Variants in MDGA2 observed in about 807,000 individuals in gnomAD.
MDGA2 encodes the protein MAM domain containing glycosylphosphatidylinositol anchor 2, also known as MAM domain-containing glycosylphosphatidylinositol anchor protein 2.
In MDGA2, 40 loss-of-function variants were observed where a neutral mutation model predicts 117.8. The ratio of observed to expected loss-of-function variants is 0.34; its 90% CI spans 0.26 to 0.44. The LOEUF (loss-of-function observed/expected upper bound fraction) is 0.44, where lower values mean the gene tolerates loss of function less well. Ranked by LOEUF, MDGA2 falls within the 20% of genes least tolerant of loss-of-function variation. The probability of loss-of-function intolerance (pLI) is 1.00; values close to 1 mark genes in which losing one functional copy is unlikely to be tolerated. For missense variants in MDGA2, 1,123 were observed against 1,250.6 expected, an observed-to-expected ratio of 0.90 and a Z score of 1.54; for synonymous variants, 452 against 439.0, an observed-to-expected ratio of 1.03 and a Z score of -0.37.
intron 1 of MDGA2, among the ~76,000 whole-genome samples, chr14:47,616,009 T>C (rs2138916186): frequency 6.6e-6 from 1 of 152,182 alleles, no homozygotes; most frequent in South Asian, 2.1e-4. Flanking sequence ...AGAACAAAAG[T>C]TACTCCACGT....
rs746012263 is a variant in MDGA2, at chr14:46,841,927, A to T, written c.*4T>A. On this transcript the variant is annotated 3_prime_UTR_variant, in exon 17 of 17. Coordinates refer to ENST00000399232, the MANE Select transcript of MDGA2 (RefSeq NM_001113498.3). ...AATCTTTTATAGCCTCTGCCAGGAT[A>T]AGGTCACCTTCGAGGACTTAAGATA... 1 of 1,597,678 alleles carries T rather than the reference A, an allele frequency of 6.3e-7. No individual in the cohort carries two copies. The highest frequency in any genetic ancestry group is 1.7e-5 in the Admixed American group (1 of 59,484).
intron 6 of MDGA2, among the ~76,000 whole-genome samples, chr14:47,068,350 C>A (rs7146407): frequency 2.7e-5 from 4 of 150,170 alleles, no homozygotes; most frequent in Non-Finnish European, 5.9e-5. Context: ...AAAATAATAA[C>A]ATAATTATTA....
intron 2 of MDGA2, among the ~76,000 whole-genome samples, chr14:47,276,384 G>T (rs538889885): frequency 1.3e-5 from 2 of 152,178 alleles, no homozygotes; most frequent in South Asian, 4.2e-4. Context: ...AAATACTTGT[G>T]CAAATACCTT....
intron 15 of MDGA2, among the ~76,000 whole-genome samples, chr14:46,847,523 G>A (rs1274836604): frequency 6.6e-6 from 1 of 151,936 alleles, no homozygotes; most frequent in African/African-American, 2.4e-5. Context: ...TTTGAGATAG[G>A]ATGGTGTCTG....
chr14:47,073,135 C>G (rs1005886490), intron 6 of MDGA2, among the ~76,000 whole-genome samples: 3 of 152,092 alleles, frequency 2.0e-5, no homozygotes, highest in African/African-American at 7.2e-5. Flanking sequence ...CCTTCTTTAC[C>G]TACGAATTTC....
intron 3 of MDGA2, among the ~76,000 whole-genome samples, chr14:47,196,296 G>A (rs1594713943): frequency 6.6e-6 from 1 of 152,208 alleles, no homozygotes; most frequent in African/African-American, 2.4e-5. Flanking sequence ...AGTAGCTGTA[G>A]TAGTAATAGT....
At chr14:47,541,953 A>G (rs914495822) in intron 1 of MDGA2, among the ~76,000 whole-genome samples, 2 of 152,228 alleles carry the variant, frequency 1.3e-5, no homozygotes, top group Non-Finnish European at 2.9e-5. Context: ...TCATTTTACC[A>G]CATACTGTTC....
At chr14:47,450,873 T>C (rs1893228052) in intron 1 of MDGA2, among the ~76,000 whole-genome samples, 1 of 152,134 alleles carries the variant, frequency 6.6e-6, no homozygotes, top group Admixed American at 6.6e-5. Flanking sequence ...TCAAATAACC[T>C]GAAGGATTCA....
intron 4 of MDGA2, among the ~76,000 whole-genome samples, chr14:47,140,796 G>C (rs1300866513): frequency 2.0e-5 from 3 of 152,164 alleles, no homozygotes; most frequent in Middle Eastern, 3.4e-3. Flanking sequence ...AACAGAAATA[G>C]AGAAACAGAA....
At chr14:46,987,151 C>T (rs1436103798) in intron 8 of MDGA2, among the ~76,000 whole-genome samples, 1 of 152,066 alleles carries the variant, frequency 6.6e-6, no homozygotes, top group East Asian at 1.9e-4. Context: ...AATTTATTGA[C>T]AGAAAACTTA....
At chr14:47,009,635 T>C (rs986444096) in intron 8 of MDGA2, among the ~76,000 whole-genome samples, 1 of 152,138 alleles carries the variant, frequency 6.6e-6, no homozygotes, top group Admixed American at 6.6e-5. Context: ...ATGAACACTA[T>C]GTATACAACA....
chr14:47,090,286 A>T (rs1414693196), intron 6 of MDGA2, among the ~76,000 whole-genome samples: 5 of 152,118 alleles, frequency 3.3e-5, no homozygotes, highest in South Asian at 2.1e-4. Context: ...TTCATGCCTC[A>T]TTGAATACAT....
chr14:47,614,727 T>A (rs1230012020), intron 1 of MDGA2, among the ~76,000 whole-genome samples: 1 of 152,188 alleles, frequency 6.6e-6, no homozygotes, highest in East Asian at 1.9e-4. Context: ...ATGAGAAGTG[T>A]AGCAATTTGT....
intron 3 of MDGA2, among the ~76,000 whole-genome samples, chr14:47,194,263 ATG>A (rs1885210852): frequency 6.6e-6 from 1 of 152,156 alleles, no homozygotes; most frequent in African/African-American, 2.4e-5. Flanking sequence ...ATCCAGAAGA[ATG>A]TGAGTCATTC....
chr14:46,912,996 C>T lies in MDGA2; in HGVS notation c.2238+7016G>A, dbSNP rs139219219. 5.3e-3 allele frequency among the ~76,000 whole-genome samples: 806 copies of T among 152,190 alleles called. 10 individuals are homozygous for T. Among genetic ancestry groups the T allele is most frequent in the African/African-American group, 0.019 (780 of 41,544 alleles). Reference sequence around the variant, plus strand: ...GACCATTTACAAAATGGTTTCTCTACATTTCTCTGAGTCCTTCATTCTCTC... The same window carrying T: ...GACCATTTACAAAATGGTTTCTCTATATTTCTCTGAGTCCTTCATTCTCTC... On this transcript the variant is annotated intron_variant, in intron 10 of 16. Transcript: ENST00000399232.
chr14:47,633,757 G>A (rs1897277857), intron 1 of MDGA2, among the ~76,000 whole-genome samples: 1 of 152,122 alleles, frequency 6.6e-6, no homozygotes, highest in African/African-American at 2.4e-5. Flanking sequence ...ATTTTAGTTT[G>A]CAGTCCACTT....
In MDGA2 at chr14:47,315,099, AG is replaced by A. The variant is rs561908890; in HGVS notation, c.281-13550del. Among the ~76,000 whole-genome samples the A allele has an allele frequency of 2.3e-3, 347 of 152,162 alleles. 2 individuals carry two copies. The highest frequency in any genetic ancestry group is 7.9e-3 in the African/African-American group (327 of 41,534). ...ACAATGAGCACATTTTTTCCCCCAG[AG>A]CTAATATAATGATTCTGTAGTTTAT... On this transcript the variant is annotated intron_variant, in intron 1 of 16. Coordinates refer to ENST00000399232, the MANE Select transcript of MDGA2 (RefSeq NM_001113498.3).
At chr14:47,535,573 T>C (rs1478096707) in intron 1 of MDGA2, among the ~76,000 whole-genome samples, 2 of 152,186 alleles carry the variant, frequency 1.3e-5, no homozygotes, top group East Asian at 1.9e-4. Context: ...AAGAAGTGGC[T>C]CTGAGTCGGG....
chr14:47,491,336 TAGG>T (rs1894165584), intron 1 of MDGA2, among the ~76,000 whole-genome samples: 1 of 152,046 alleles, frequency 6.6e-6, no homozygotes, highest in African/African-American at 2.4e-5. Context: ...CTGAAGGTCT[TAGG>T]AGTACAGATT....
Sources: allele counts gnomAD v4.1 joint callset (sites outside exome capture counted in the v4.1 genomes callset), GRCh38; gene constraint gnomAD v4.1.1; transcripts MANE v1.5; gene names NCBI Gene and HGNC (gene_info 2026-07-23, HGNC 2026-07-21).